The following CHST8 variants were observed in gnomAD, a reference collection of about 807,000 sequenced individuals.
The protein encoded by CHST8 is carbohydrate sulfotransferase 8, also known as GALNAC-4-ST1.
CHST8 carries 10 observed loss-of-function variants against 15.0 expected under a neutral mutation model. The observed-to-expected ratio is 0.67, with a 90% CI of 0.41 to 1.13. The LOEUF (loss-of-function observed/expected upper bound fraction) is 1.13, where lower values mean the gene tolerates loss of function less well. Among genes scored for constraint, CHST8 ranks in the 50% most tolerant of loss-of-function variants. The pLI is 0.00. For missense variants in CHST8, 634 were observed against 608.2 expected (o/e 1.04, Z -0.45); for synonymous variants, 259 against 256.6 (o/e 1.01, Z -0.09).
At chr19:33,656,982 C>A (rs1225816329) in intron 1 of CHST8, among the ~76,000 whole-genome samples, 1 of 152,094 alleles carries the variant, frequency 6.6e-6, no homozygotes, top group Non-Finnish European at 1.5e-5. Flanking sequence ...ATATCACACA[C>A]AGGCCTATGT....
chr19:33,755,846 CAGCCATTACATGGG>C (rs909806619), intron 3 of CHST8, among the ~76,000 whole-genome samples: 1 of 152,248 alleles, frequency 6.6e-6, no homozygotes, highest in Non-Finnish European at 1.5e-5. Flanking sequence ...GCCCTACCAA[CAGCCATTACATGGG>C]AGCACATTCC....
intron 3 of CHST8, among the ~76,000 whole-genome samples, chr19:33,698,844 C>T (rs1973274765): frequency 6.6e-6 from 1 of 152,108 alleles, no homozygotes; most frequent in African/African-American, 2.4e-5. Flanking sequence ...CATGCCCTCG[C>T]CCCTCTGCAC....
At chr19:33,743,254 G>A (rs572129532) in intron 3 of CHST8, among the ~76,000 whole-genome samples, 3 of 151,758 alleles carry the variant, frequency 2.0e-5, no homozygotes, top group Non-Finnish European at 4.4e-5. Flanking sequence ...ACCACCTTTG[G>A]GAGCCTTTTG....
At chr19:33,710,814 T>C (rs1462979589) in intron 3 of CHST8, among the ~76,000 whole-genome samples, 1 of 151,966 alleles carries the variant, frequency 6.6e-6, no homozygotes, top group Non-Finnish European at 1.5e-5. Context: ...CACTGTTCAG[T>C]AGATTTTCTT....
chr19:33,703,998 G>A (rs1030938536), intron 3 of CHST8, among the ~76,000 whole-genome samples: 12 of 152,216 alleles, frequency 7.9e-5, no homozygotes, highest in African/African-American at 1.9e-4. Context: ...TCATGTTCGC[G>A]TCTGGGGTCC....
At chr19:33,647,526 T>G (rs1274846607) in intron 1 of CHST8, among the ~76,000 whole-genome samples, 1 of 152,058 alleles carries the variant, frequency 6.6e-6, no homozygotes, top group Non-Finnish European at 1.5e-5. Flanking sequence ...TAACTCAAGG[T>G]GTTTTGCTGC....
At position 33,745,424 on chromosome 19, in the gene CHST8, A is replaced by T. The variant is rs146548015; in HGVS notation, c.131-25989A>T. 1.3e-3 allele frequency among the ~76,000 whole-genome samples: 193 copies of T among 152,378 alleles called. 1 individual carries two copies. Among genetic ancestry groups the T allele is most frequent in the African/African-American group, 3.9e-3 (161 of 41,592 alleles). Reference sequence around the variant, plus strand: ...ATTACTGCCTCTGGCCTTGTGCCACAGCTGCCTGTGCTCCACCTACCACCA... The same window carrying T: ...ATTACTGCCTCTGGCCTTGTGCCACTGCTGCCTGTGCTCCACCTACCACCA... On this transcript the variant is annotated intron_variant, in intron 3 of 4. Coordinates refer to ENST00000650847, the MANE Select transcript of CHST8 (RefSeq NM_001127895.2).
intron 3 of CHST8, among the ~76,000 whole-genome samples, chr19:33,725,005 A>G (rs1441207333): frequency 1.3e-5 from 2 of 152,106 alleles, no homozygotes; most frequent in Non-Finnish European, 2.9e-5. Context: ...CCCGGGAGCC[A>G]TCGGCAGCGC....
intron 1 of CHST8, among the ~76,000 whole-genome samples, chr19:33,629,858 C>T (rs899349642): frequency 2.0e-5 from 3 of 152,268 alleles, no homozygotes; most frequent in African/African-American, 4.8e-5. Context: ...AGAGGGCGGC[C>T]TCTCCAGATG....
intron 3 of CHST8, among the ~76,000 whole-genome samples, chr19:33,732,587 AT>A (rs1391483698): frequency 1.3e-5 from 2 of 151,980 alleles, no homozygotes; most frequent in Non-Finnish European, 2.9e-5. Flanking sequence ...TTAAAATTGC[AT>A]TTTTATTAGA....
At chr19:33,685,343 A>C (rs1406213406) in intron 2 of CHST8, 3 of 150,658 alleles carry the variant, frequency 2.0e-5, no homozygotes, top group Non-Finnish European at 4.4e-5. Context: ...GGTTTATAAG[A>C]TTAATTGGAT....
In CHST8 at chr19:33,649,767, T is replaced by C. The variant is rs974477310; in HGVS notation, c.-163-18000T>C. 9.2e-5 allele frequency among the ~76,000 whole-genome samples: 14 copies of C among 152,278 alleles called. 1 individual carries two copies. The highest frequency in any genetic ancestry group is 3.1e-4 in the African/African-American group (13 of 41,560). On this transcript the variant is annotated intron_variant, in intron 1 of 4. Coordinates refer to ENST00000650847, the MANE Select transcript of CHST8 (RefSeq NM_001127895.2). ...CCAGGCCATGGTGGGTAGTCTCTTA[T>C]TAGGAGAAAGTTACTGAAATCAGTC...
rs1972351405 is a variant in CHST8, at chr19:33,646,034, G to A, written c.-163-21733G>A. The stretch of plus-strand genomic sequence containing the variant: ...TCTCAGCTACTCAGGAGGCTGAGGT[G>A]GGAGGATTGCTGGAGCCCAGGAGTT... On this transcript the variant is annotated intron_variant, in intron 1 of 4. Transcript: ENST00000650847. Among the ~76,000 whole-genome samples, 4 of 152,282 alleles carry A rather than the reference G, an allele frequency of 2.6e-5. 1 individual carries two copies. The South Asian group carries it at 8.3e-4, about 32-fold the overall frequency.
chr19:33,647,273 T>G (rs1010127491), intron 1 of CHST8, among the ~76,000 whole-genome samples: 1 of 151,898 alleles, frequency 6.6e-6, no homozygotes, highest in Non-Finnish European at 1.5e-5. Context: ...AAGGGACCAG[T>G]GAGACAGGAA....
At chr19:33,712,735 C>T (rs35757186) in intron 3 of CHST8, among the ~76,000 whole-genome samples, 9 of 152,152 alleles carry the variant, frequency 5.9e-5, no homozygotes, top group Non-Finnish European at 1.3e-4. Context: ...TCCCTCTATC[C>T]TGAGTAGGGG....
At position 33,772,191 on chromosome 19, in the gene CHST8, A is replaced by T; in HGVS notation, c.403A>T (p.Ile135Phe). 1 of 1,595,962 alleles carries T rather than the reference A, an allele frequency of 6.3e-7. No homozygotes were observed. The highest frequency in any genetic ancestry group is 8.5e-7 in the Non-Finnish European group (1 of 1,173,936). The change falls in exon 5 of 5, where the codon ATC (isoleucine) becomes TTC (phenylalanine). Residue 135 changes from isoleucine (I) to phenylalanine (F), a missense_variant. Physicochemically the swap from Ile to Phe is conservative, Grantham distance 21. Coordinates refer to ENST00000650847, the MANE Select transcript of CHST8 (RefSeq NM_001127895.2). ...GGCCAACAGCTCGGACGCGCCCTTCATCCGGCCGGGACCCGGGACGCTGGA... is the reference window on the plus strand; with the variant it reads ...GGCCAACAGCTCGGACGCGCCCTTCTTCCGGCCGGGACCCGGGACGCTGGA... The part of the protein sequence containing the change: ...IPANSSDAPF[I>F]RPGPGTLDGR...
At chr19:33,749,855 C>A (rs77772339) in intron 3 of CHST8, among the ~76,000 whole-genome samples, 2 of 152,176 alleles carry the variant, frequency 1.3e-5, no homozygotes, top group Admixed American at 1.3e-4. Context: ...GTCCAGCTGG[C>A]GCACCAAGCA....
intron 3 of CHST8, among the ~76,000 whole-genome samples, chr19:33,700,196 G>A (rs1399259818): frequency 6.6e-6 from 1 of 152,210 alleles, no homozygotes; most frequent in Non-Finnish European, 1.5e-5. Flanking sequence ...TCTGTTTCCT[G>A]AAACCATTTT....
At chr19:33,625,549 A>C (rs1267227803) in intron 1 of CHST8, among the ~76,000 whole-genome samples, 2 of 152,184 alleles carry the variant, frequency 1.3e-5, no homozygotes, top group Non-Finnish European at 2.9e-5. Flanking sequence ...CAAAAAATGA[A>C]ATAAATAAGT....
Sources: gnomAD v4.1 joint callset for allele counts (sites outside exome capture counted in the v4.1 genomes callset) on GRCh38, gnomAD v4.1.1 for gene constraint, MANE v1.5 for transcripts, NCBI Gene and HGNC (gene_info 2026-07-23, HGNC 2026-07-21) for gene names.